Variants in SLC10A6 observed in about 807,000 individuals in gnomAD.
The protein encoded by SLC10A6 is sodium-dependent organic anion transporter.
Under a neutral mutation model 30.0 loss-of-function variants are expected in SLC10A6, and 27 were observed. That is an observed-to-expected ratio of 0.90 (90% CI 0.66 to 1.24). SLC10A6 has a LOEUF of 1.24. SLC10A6 is among the 50% of genes most tolerant of loss of function. The pLI is 0.00. For synonymous variants in SLC10A6, 166 were observed against 173.8 expected (o/e 0.95, Z 0.36); for missense variants, 439 against 457.0 (o/e 0.96, Z 0.36).
intron 1 of SLC10A6, among the ~76,000 whole-genome samples, chr4:86,837,225 G>GAGAAAGAA (rs530121412): frequency 0.012 from 460 of 39,082 alleles, 30 homozygotes; most frequent in East Asian, 0.034. Flanking sequence ...GAGAGAGAGA[G>GAGAAAGAA]AGAAAGAAAG....
chr4:86,849,047 TCCCACTGGCAGCTCCTCCTCTGAACTG>T lies in SLC10A6; in HGVS notation c.42_68del (p.Asn14_Gly23delinsLys). ...GCTCCAGGTTTCCATGCACCTCCAGTCCCACTGGCAGCTCCTCCTCTGAACTGTTGGCAGGGCAGGCTGAGCTGCTGG... is the reference window on the plus strand; with the variant it reads ...GCTCCAGGTTTCCATGCACCTCCAGTTTGGCAGGGCAGGCTGAGCTGCTGG... On this transcript the variant is annotated inframe_deletion, in exon 1 of 6. Coordinates refer to ENST00000273905, the MANE Select transcript of SLC10A6 (RefSeq NM_197965.3). The T allele has an allele frequency of 6.2e-7, 1 of 1,614,108 alleles. No individual in the cohort carries two copies. Among genetic ancestry groups the T allele is most frequent in the African/African-American group, 1.3e-5 (1 of 75,012 alleles).
At chr4:86,831,559 C>T (rs1746081834) in intron 3 of SLC10A6, among the ~76,000 whole-genome samples, 1 of 152,196 alleles carries the variant, frequency 6.6e-6, no homozygotes, top group Non-Finnish European at 1.5e-5. Context: ...TCAATAGTTG[C>T]TTATTTTCCA....
Position 86,823,637 on chromosome 4 carries a change from C to A in SLC10A6, c.*51G>T. On this transcript the variant is annotated 3_prime_UTR_variant, in exon 6 of 6. Coordinates refer to ENST00000273905, the MANE Select transcript of SLC10A6 (RefSeq NM_197965.3). ...GATTCATGTGTCAGCTGCACACTGT[C>A]TTTACTGGCCACTGAAAAAGAAGGG... 6.9e-7 allele frequency: 1 copy of A among 1,458,558 alleles called. No homozygotes were observed. The highest frequency in any genetic ancestry group is 1.4e-5 in the South Asian group (1 of 73,812). The allele number at this position is 1,458,558 out of a possible 1,614,324, so 90.4% of individuals were successfully genotyped here.
At chr4:86,835,363 C>T (rs1746162255) in intron 1 of SLC10A6, among the ~76,000 whole-genome samples, 1 of 152,054 alleles carries the variant, frequency 6.6e-6, no homozygotes, top group African/African-American at 2.4e-5. Context: ...TCGTGTGATC[C>T]TATGATTAGA....
At chr4:86,838,536 A>G (rs1331321339) in intron 1 of SLC10A6, among the ~76,000 whole-genome samples, 2 of 152,208 alleles carry the variant, frequency 1.3e-5, no homozygotes, top group South Asian at 2.1e-4. Context: ...CCAGGTGAAC[A>G]TTGGTAAAAA....
intron 5 of SLC10A6, 57 bp from the exon 6 acceptor site, chr4:86,823,959 T>C (rs979623622): frequency 1.3e-6 from 2 of 1,487,558 alleles, no homozygotes; most frequent in Non-Finnish European, 1.8e-6. Context: ...TCTAATTTGG[T>C]GACACTGTAC....
intron 2 of SLC10A6, 150 bp from the exon 3 acceptor site, chr4:86,832,030 G>T: frequency 1.5e-6 from 1 of 661,676 alleles, no homozygotes; most frequent in Non-Finnish European, 2.6e-6. Flanking sequence ...TACAATATTG[G>T]CTCCAAAGTT....
chr4:86,836,366 T>C (rs985622325), intron 1 of SLC10A6, among the ~76,000 whole-genome samples: 6 of 152,200 alleles, frequency 3.9e-5, no homozygotes, highest in African/African-American at 1.4e-4. Flanking sequence ...CCAAAATTCA[T>C]AGGTTGGAAA....
chr4:86,828,119 C>T lies in SLC10A6; in HGVS notation c.635G>A (p.Gly212Asp), dbSNP rs761174849. 26 of 1,613,736 alleles carry T rather than the reference C, an allele frequency of 1.6e-5. 2 individuals carry two copies. The South Asian group carries it at 2.7e-4, about 17-fold the overall frequency. Reference sequence around the variant, plus strand: ...CCAAGATCCTTTCGCCAGGACCACACCAGCAACTGCGACCACCAGAAGGAG... The same window carrying T: ...CCAAGATCCTTTCGCCAGGACCACATCAGCAACTGCGACCACCAGAAGGAG... ...GVLLLVVAVAGVVLAKGSWNS... is the reference protein window; with the variant it reads ...GVLLLVVAVADVVLAKGSWNS... Residue 212 changes from glycine to aspartate, a missense_variant, in exon 4 of 6, where the codon GGT (glycine) becomes GAT (aspartate). Physicochemically the swap from Gly to Asp is moderately conservative, Grantham distance 94. Transcript: ENST00000273905.
intron 3 of SLC10A6, among the ~76,000 whole-genome samples, chr4:86,830,962 T>A (rs1344588802): frequency 2.0e-5 from 3 of 152,132 alleles, no homozygotes; most frequent in Non-Finnish European, 4.4e-5. Flanking sequence ...GCCTCCTCTT[T>A]ACGTTTTGTT....
At chr4:86,838,920 A>G (rs1193326495) in intron 1 of SLC10A6, among the ~76,000 whole-genome samples, 3 of 150,784 alleles carry the variant, frequency 2.0e-5, no homozygotes, top group African/African-American at 7.3e-5. Flanking sequence ...CTCAAAAAAA[A>G]AAAAAAAAAA....
chr4:86,837,514 A>C (rs1358539105), intron 1 of SLC10A6: 1 of 769,748 alleles, frequency 1.3e-6, no homozygotes, highest in Admixed American at 6.2e-5. Flanking sequence ...CTCCCAAATG[A>C]AGGCTAAAAG....
intron 1 of SLC10A6, among the ~76,000 whole-genome samples, chr4:86,839,981 T>A (rs1488173547): frequency 6.6e-6 from 1 of 151,554 alleles, no homozygotes; most frequent in African/African-American, 2.4e-5. Flanking sequence ...TGATCTTGAC[T>A]CACTGCAAGC....
intron 3 of SLC10A6, among the ~76,000 whole-genome samples, chr4:86,830,796 CA>C (rs377586224): frequency 1.4e-4 from 22 of 152,268 alleles, no homozygotes; most frequent in Admixed American, 5.2e-4. Context: ...TAAATAACCC[CA>C]AATGTTTACT....
chr4:86,825,323 G>A (rs1745960091), intron 5 of SLC10A6, 97 bp downstream of exon 5: 3 of 1,154,152 alleles, frequency 2.6e-6, no homozygotes, highest in Non-Finnish European at 3.7e-6. Context: ...GTGTATCACA[G>A]GGGCAGCACA....
chr4:86,832,022 C>T lies in SLC10A6; in HGVS notation c.497-142G>A, dbSNP rs1265870086. On this transcript the variant is annotated intron_variant, in intron 2 of 5. Coordinates refer to ENST00000273905, the MANE Select transcript of SLC10A6 (RefSeq NM_197965.3). Reference sequence around the variant, plus strand: ...CTTCCCAAGTCTGGATAAATGCCTACAATATTGGCTCCAAAGTTATATAAG... The same window carrying T: ...CTTCCCAAGTCTGGATAAATGCCTATAATATTGGCTCCAAAGTTATATAAG... The T allele has an allele frequency of 5.9e-6, 4 of 683,626 alleles. No homozygotes were observed. In the African/African-American group the frequency reaches 7.1e-5, roughly 12 times the overall value. 42.3% of individuals were successfully genotyped at this position (683,626 alleles called of 1,614,324 possible).
Position 86,825,633 on chromosome 4 carries a change from T to G in SLC10A6, c.762-56A>C, listed in dbSNP as rs1745968538. ...GCACTAGCAATAAGAACTATTCTAA[T>G]ATTTTCTCATATGCATCATAACAAT... On this transcript the variant is annotated intron_variant, in intron 4 of 5. Coordinates refer to ENST00000273905, the MANE Select transcript of SLC10A6 (RefSeq NM_197965.3). The G allele has an allele frequency of 4.7e-6, 7 of 1,480,342 alleles. No homozygotes were observed. In the South Asian group the frequency reaches 9.6e-5, roughly 20 times the overall value. 91.7% of individuals were successfully genotyped at this position (1,480,342 alleles called of 1,614,324 possible).
chr4:86,848,708 C>G, intron 1 of SLC10A6, 31 bp downstream of exon 1: 1 of 1,539,146 alleles, frequency 6.5e-7, no homozygotes, highest in African/African-American at 1.4e-5. Flanking sequence ...GGATAAGAGA[C>G]AGACTGCTGA....
chr4:86,824,719 G>A (rs1000909822), intron 5 of SLC10A6, among the ~76,000 whole-genome samples: 76 of 151,926 alleles, frequency 5.0e-4, no homozygotes, highest in African/African-American at 1.7e-3. Flanking sequence ...TTCAACCTTC[G>A]CCCCCTCCCT....
Sources: gnomAD v4.1 joint callset for allele counts (sites outside exome capture counted in the v4.1 genomes callset) on GRCh38, gnomAD v4.1.1 for gene constraint, MANE v1.5 for transcripts, NCBI Gene and HGNC (gene_info 2026-07-23, HGNC 2026-07-21) for gene names.